SLC39A11: variants seen among roughly 807,000 people sequenced by gnomAD.
The protein encoded by SLC39A11 is zinc transporter ZIP11.
SLC39A11 carries 33 observed loss-of-function variants against 36.1 expected under a neutral mutation model. The observed-to-expected ratio is 0.91, with a 90% CI of 0.69 to 1.22. The LOEUF (loss-of-function observed/expected upper bound fraction) is 1.22. SLC39A11 is among the 50% of genes most tolerant of loss of function. The probability of loss-of-function intolerance (pLI) is 0.00; values close to 1 mark genes in which losing one functional copy is unlikely to be tolerated. For missense variants in SLC39A11, 432 were observed against 430.3 expected (o/e 1.00, Z -0.03); for synonymous variants, 166 against 170.3 (o/e 0.97, Z 0.20).
chr17:72,824,835 G>A (rs776641079), intron 6 of SLC39A11, among the ~76,000 whole-genome samples: 9 of 151,296 alleles, frequency 5.9e-5, no homozygotes, highest in African/African-American at 1.2e-4. Flanking sequence ...AAGCAGCAAG[G>A]CATTAAAGAT....
intron 7 of SLC39A11, among the ~76,000 whole-genome samples, chr17:72,726,268 T>C (rs2073927736): frequency 6.6e-6 from 1 of 151,910 alleles, no homozygotes; most frequent in Non-Finnish European, 1.5e-5. Flanking sequence ...GAACTATAAT[T>C]AAAATGTTTC....
intron 6 of SLC39A11, chr17:72,837,938 AG>A: frequency 8.1e-7 from 1 of 1,229,840 alleles, no homozygotes; most frequent in East Asian, 3.2e-5. Flanking sequence ...TTTTCCTCAG[AG>A]GTACTGCTCA....
At chr17:72,838,364 G>A (rs781405094) in intron 6 of SLC39A11, among the ~76,000 whole-genome samples, 1 of 151,708 alleles carries the variant, frequency 6.6e-6, no homozygotes, top group Non-Finnish European at 1.5e-5. Context: ...AAGTAGCTGG[G>A]ACCACAAGCG....
chr17:73,071,841 T>C (rs1483646179), intron 3 of SLC39A11, among the ~76,000 whole-genome samples: 1 of 152,224 alleles, frequency 6.6e-6, no homozygotes, highest in African/African-American at 2.4e-5. Flanking sequence ...GGCACCCATG[T>C]ACTTTGCCCA....
In SLC39A11 at chr17:72,807,189, T is replaced by C. The variant is rs142233605; in HGVS notation, c.601+42445A>G. ...ATATTCATCATTTTCATTGTTGCTT[T>C]TGTTTTATGTTTCCTTGTGACCTCT... On this transcript the variant is annotated intron_variant, in intron 6 of 9. Transcript: ENST00000255559. Among the ~76,000 whole-genome samples the C allele has an allele frequency of 3.6e-3, 551 of 152,330 alleles. 5 individuals carry two copies. Among genetic ancestry groups the C allele is most frequent in the African/African-American group, 0.013 (528 of 41,566 alleles).
chr17:72,881,778 G>A (rs564329096), intron 5 of SLC39A11, among the ~76,000 whole-genome samples: 7 of 152,300 alleles, frequency 4.6e-5, no homozygotes, highest in South Asian at 2.1e-4. Context: ...TATAAAATCT[G>A]CTGTAGCATA....
chr17:72,684,933 T>C (rs1054497340), intron 7 of SLC39A11, among the ~76,000 whole-genome samples: 12 of 152,208 alleles, frequency 7.9e-5, no homozygotes, highest in African/African-American at 2.9e-4. Flanking sequence ...GTTAAGCTCA[T>C]AGGCCATGTG....
chr17:72,992,926 C>G (rs1288628220), intron 4 of SLC39A11: 1 of 152,176 alleles, frequency 6.6e-6, no homozygotes, highest in Non-Finnish European at 1.5e-5. Flanking sequence ...ACAGTCATGG[C>G]AGAAAGCGAA....
intron 7 of SLC39A11, among the ~76,000 whole-genome samples, chr17:72,677,711 C>G (rs1232226388): frequency 2.0e-5 from 3 of 152,082 alleles, no homozygotes; most frequent in Non-Finnish European, 2.9e-5. Context: ...TCCAGGAACA[C>G]TTGGGGTATT....
chr17:72,735,810 G>C (rs958601740), intron 7 of SLC39A11, among the ~76,000 whole-genome samples: 4 of 152,276 alleles, frequency 2.6e-5, no homozygotes, highest in African/African-American at 9.6e-5. Flanking sequence ...ACGATGTCTA[G>C]AGAACAGCAT....
At chr17:72,716,984 T>A (rs8079091) in intron 7 of SLC39A11, among the ~76,000 whole-genome samples, 14,137 of 123,708 alleles carry the variant, frequency 0.11, 1,035 homozygotes, top group African/African-American at 0.22. Flanking sequence ...AAAAAAAATA[T>A]ATATATATAC....
At chr17:73,029,912 G>A (rs1467432440) in intron 4 of SLC39A11, among the ~76,000 whole-genome samples, 1 of 152,090 alleles carries the variant, frequency 6.6e-6, no homozygotes, top group Non-Finnish European at 1.5e-5. Flanking sequence ...AACAAAAAAT[G>A]ACACATGGTC....
chr17:72,994,715 G>T (rs1177928450), intron 4 of SLC39A11, among the ~76,000 whole-genome samples: 1 of 152,148 alleles, frequency 6.6e-6, no homozygotes, highest in East Asian at 1.9e-4. Context: ...TGAGGATATG[G>T]CCTGACCCGC....
intron 4 of SLC39A11, among the ~76,000 whole-genome samples, chr17:72,978,547 C>T (rs995604492): frequency 3.9e-5 from 6 of 151,930 alleles, no homozygotes; most frequent in African/African-American, 1.2e-4. Flanking sequence ...CACAGAGCTT[C>T]GGGAACTCTG....
At chr17:72,852,074 G>A (rs1300844526) in intron 5 of SLC39A11, among the ~76,000 whole-genome samples, 1 of 151,114 alleles carries the variant, frequency 6.6e-6, no homozygotes, top group African/African-American at 2.4e-5. Context: ...GGTGGCAGGC[G>A]CCTGTAGTCC....
At chr17:73,003,968 C>A (rs2089979450) in intron 4 of SLC39A11, among the ~76,000 whole-genome samples, 1 of 151,842 alleles carries the variant, frequency 6.6e-6, no homozygotes, top group Admixed American at 6.6e-5. Flanking sequence ...TGCCTGTAAT[C>A]CCAGCTACTA....
chr17:72,743,548 C>A (rs537572721), intron 6 of SLC39A11, among the ~76,000 whole-genome samples: 2 of 152,258 alleles, frequency 1.3e-5, no homozygotes, highest in African/African-American at 4.8e-5. Flanking sequence ...CCACTTTCCC[C>A]CTGGATTTAG....
chr17:72,817,352 GGGA>G (rs71154922), intron 6 of SLC39A11, among the ~76,000 whole-genome samples: 75,134 of 141,966 alleles, frequency 0.53, 20,370 homozygotes, highest in Middle Eastern at 0.6. Context: ...AAGGGGGAGG[GGGA>G]GGAGGAGGAG....
At chr17:72,862,511 C>A (rs751359614) in intron 5 of SLC39A11, among the ~76,000 whole-genome samples, 6 of 152,156 alleles carry the variant, frequency 3.9e-5, no homozygotes, top group Non-Finnish European at 7.4e-5. Context: ...CCTTTCCCAT[C>A]CTGTTCCTAC....
Sources: gnomAD v4.1 joint callset for allele counts (sites outside exome capture counted in the v4.1 genomes callset) on GRCh38, gnomAD v4.1.1 for gene constraint, MANE v1.5 for transcripts, NCBI Gene and HGNC (gene_info 2026-07-23, HGNC 2026-07-21) for gene names.